Variants in TENM2 observed in about 807,000 individuals in gnomAD.
TENM2 encodes the protein teneurin transmembrane protein 2, also known as teneurin-2.
Under a neutral mutation model 245.2 loss-of-function variants are expected in TENM2, and 52 were observed. The observed-to-expected ratio is 0.21, with a 90% CI of 0.17 to 0.27. TENM2 has a LOEUF of 0.27. TENM2 is among the 10% of genes least tolerant of loss of function. The pLI, the probability that TENM2 is intolerant of heterozygous loss-of-function variation, is 1.00. For synonymous variants in TENM2, 1,363 were observed against 1,438.9 expected, an observed-to-expected ratio of 0.95 and a Z score of 1.19; for missense variants, 3,046 against 3,666.8, an observed-to-expected ratio of 0.83 and a Z score of 4.37.
intron 2 of TENM2, among the ~76,000 whole-genome samples, chr5:167,436,485 C>CTTAGG (rs1764562437): frequency 6.6e-6 from 1 of 152,080 alleles, no homozygotes; most frequent in Non-Finnish European, 1.5e-5. Context: ...AAATTTGCAG[C>CTTAGG]CTAATAATGC....
chr5:167,856,799 C>T (rs1235096168), intron 2 of TENM2, among the ~76,000 whole-genome samples: 2 of 152,218 alleles, frequency 1.3e-5, no homozygotes, highest in Non-Finnish European at 2.9e-5. Flanking sequence ...AAAACATTGT[C>T]TACAGCCTTG....
chr5:166,981,956 T>G, the TENM2 span, among the ~76,000 whole-genome samples: 1 of 152,202 alleles, frequency 6.6e-6, no homozygotes, highest in African/African-American at 2.4e-5. Context: ...GTTTGTGGCT[T>G]GTTGATGGGT....
chr5:167,803,244 A>C (rs143585268), intron 2 of TENM2, among the ~76,000 whole-genome samples: 32 of 152,282 alleles, frequency 2.1e-4, no homozygotes, highest in Non-Finnish European at 3.7e-4. Context: ...CCCCCACTGC[A>C]TTCCTAAAAT....
chr5:167,048,708 T>C, the TENM2 span, among the ~76,000 whole-genome samples: 1 of 152,188 alleles, frequency 6.6e-6, no homozygotes, highest in Admixed American at 6.5e-5. Flanking sequence ...TAAAAAGTAT[T>C]GCTGCTAAAT....
intron 5 of TENM2, among the ~76,000 whole-genome samples, chr5:168,041,940 T>C (rs1255567312): frequency 2.0e-5 from 3 of 152,252 alleles, no homozygotes; most frequent in Non-Finnish European, 1.5e-5. Context: ...AGGTTGCCTA[T>C]GCAAGTTCAG....
intron 5 of TENM2, among the ~76,000 whole-genome samples, chr5:168,003,919 A>C (rs1180846661): frequency 6.6e-6 from 1 of 152,226 alleles, no homozygotes. Flanking sequence ...TTATGCTACA[A>C]AATCACTTTG....
chr5:167,401,312 T>C (rs538698728), intron 2 of TENM2, among the ~76,000 whole-genome samples: 2 of 152,210 alleles, frequency 1.3e-5, no homozygotes, highest in South Asian at 4.2e-4. Flanking sequence ...ACTGACAATT[T>C]TCATCATATT....
intron 2 of TENM2, among the ~76,000 whole-genome samples, chr5:167,746,939 A>G (rs1761630436): frequency 6.6e-6 from 1 of 152,186 alleles, no homozygotes; most frequent in Non-Finnish European, 1.5e-5. Context: ...AGTTGCAGAC[A>G]TAGTGCAACG....
At chr5:167,326,672 G>GAAT (rs1441890305) in intron 1 of TENM2, among the ~76,000 whole-genome samples, 3 of 144,948 alleles carry the variant, frequency 2.1e-5, no homozygotes, top group Non-Finnish European at 3.0e-5. Flanking sequence ...GACTCCGTCA[G>GAAT]AATAATAATA....
chr5:168,262,539 C>G, exon 29 of TENM2: 1 of 1,557,232 alleles, frequency 6.4e-7, no homozygotes, highest in Non-Finnish European at 8.7e-7. Context: ...GGCCTCACCC[C>G]CGACACCCTG....
chr5:167,597,319 C>G (rs1239502251), intron 2 of TENM2, among the ~76,000 whole-genome samples: 1 of 152,006 alleles, frequency 6.6e-6, no homozygotes, highest in African/African-American at 2.4e-5. Flanking sequence ...GCATGCACAA[C>G]CACGCCTGGC....
chr5:167,474,250 CTG>C (rs1331151734), intron 2 of TENM2, among the ~76,000 whole-genome samples: 1 of 152,098 alleles, frequency 6.6e-6, no homozygotes, highest in East Asian at 1.9e-4. Context: ...TTTGCTCAAA[CTG>C]TAACACAAAT....
Position 167,375,181 on chromosome 5 carries a change from T to C in TENM2, c.227-17T>C. ...TCTCACAAATTTTAATCAGCTTCTC[T>C]GTCACTGTCACCCTAGGAACCAACT... On this transcript the variant is annotated splice_polypyrimidine_tract_variant and intron_variant, in intron 1 of 28. Transcript: ENST00000518659. The C allele has an allele frequency of 3.2e-6, 5 of 1,546,980 alleles. No homozygotes were observed. Among genetic ancestry groups the C allele is most frequent in the Admixed American group, 2.0e-5 (1 of 49,340 alleles).
chr5:167,369,406 T>G (rs1467693787), intron 1 of TENM2, among the ~76,000 whole-genome samples: 3 of 152,212 alleles, frequency 2.0e-5, no homozygotes, highest in Non-Finnish European at 2.9e-5. Context: ...TTAACTGACT[T>G]AATTCTGTTA....
intron 2 of TENM2, among the ~76,000 whole-genome samples, chr5:167,655,499 A>G (rs1467628469): frequency 6.6e-6 from 1 of 152,300 alleles, no homozygotes; most frequent in East Asian, 1.9e-4. Flanking sequence ...GTTCAGTTAG[A>G]ATCTGAAAGG....
At chr5:168,016,281 A>G (rs1039525176) in intron 5 of TENM2, among the ~76,000 whole-genome samples, 1 of 152,220 alleles carries the variant, frequency 6.6e-6, no homozygotes, top group Non-Finnish European at 1.5e-5. Flanking sequence ...ACACCCGTGC[A>G]CTGAACCATA....
At chr5:167,809,693 G>A (rs1281506359) in intron 2 of TENM2, among the ~76,000 whole-genome samples, 1 of 151,986 alleles carries the variant, frequency 6.6e-6, no homozygotes, top group Admixed American at 6.6e-5. Context: ...TTTTTAAGTA[G>A]TTGGCAAAAT....
intron 2 of TENM2, among the ~76,000 whole-genome samples, chr5:167,731,826 ACCTTGTCACAATG>A (rs1170615978): frequency 1.3e-5 from 2 of 148,848 alleles, no homozygotes; most frequent in Non-Finnish European, 3.0e-5. Flanking sequence ...TCATGCTGTT[ACCTTGTCACAATG>A]CCTGGCAAAA....
chr5:167,619,876 T>A (rs1423343229), intron 2 of TENM2, among the ~76,000 whole-genome samples: 1 of 152,096 alleles, frequency 6.6e-6, no homozygotes, highest in Non-Finnish European at 1.5e-5. Flanking sequence ...AAAAAATTAA[T>A]AGGACTGACA....
Sources: gnomAD v4.1 joint callset for allele counts (sites outside exome capture counted in the v4.1 genomes callset) on GRCh38, gnomAD v4.1.1 for gene constraint, MANE v1.5 for transcripts, NCBI Gene and HGNC (gene_info 2026-07-23, HGNC 2026-07-21) for gene names.